Variants in PTPRO observed in about 807,000 individuals in gnomAD.
PTPRO encodes the protein receptor-type tyrosine-protein phosphatase O.
Under a neutral mutation model 145.2 loss-of-function variants are expected in PTPRO, and 62 were observed. That is an observed-to-expected ratio of 0.43 (90% CI 0.35 to 0.53). The LOEUF is 0.53. Among genes scored for constraint, PTPRO ranks in the 20% least tolerant of loss-of-function variants. The probability of loss-of-function intolerance (pLI) is 0.01; values close to 1 mark genes in which losing one functional copy is unlikely to be tolerated. For synonymous variants in PTPRO, 565 were observed against 514.7 expected (o/e 1.10, Z -1.32); for missense variants, 1,345 against 1,482.7 (o/e 0.91, Z 1.53).
intron 2 of PTPRO, among the ~76,000 whole-genome samples, chr12:15,486,579 G>A (rs1462347216): frequency 6.6e-6 from 1 of 151,896 alleles, no homozygotes. Flanking sequence ...AGATTTTCTG[G>A]TAGACACATT....
chr12:15,386,512 A>G (rs1210202823), intron 1 of PTPRO, among the ~76,000 whole-genome samples: 2 of 152,132 alleles, frequency 1.3e-5, no homozygotes, highest in African/African-American at 4.8e-5. Context: ...TATATATATT[A>G]CCTTATATGT....
chr12:15,565,637 T>A lies in PTPRO; in HGVS notation c.2747+9T>A, dbSNP rs1035629690. 2.1e-6 allele frequency: 3 copies of A among 1,428,854 alleles called. No individual in the cohort carries two copies. Among genetic ancestry groups the A allele is most frequent in the South Asian group, 2.3e-5 (2 of 86,336 alleles). 88.5% of individuals were successfully genotyped at this position (1,428,854 alleles called of 1,614,324 possible). ...AAGAGGAAACTGACAAAGTAAGTTT[T>A]TCTTACTATGTCATTTAAAAGGATG... is the stretch of plus-strand genomic sequence containing the variant. On this transcript the variant is annotated intron_variant, in intron 18 of 26. Coordinates refer to ENST00000281171, the MANE Select transcript of PTPRO (RefSeq NM_030667.3).
intron 6 of PTPRO, among the ~76,000 whole-genome samples, chr12:15,505,789 A>G (rs1367470470): frequency 6.6e-6 from 1 of 152,200 alleles, no homozygotes; most frequent in Non-Finnish European, 1.5e-5. Flanking sequence ...TTCCTGACCA[A>G]ACTGTTTCAC....
chr12:15,361,909 G>A, intron 1 of PTPRO, among the ~76,000 whole-genome samples: 1 of 152,270 alleles, frequency 6.6e-6, no homozygotes, highest in East Asian at 1.9e-4. Flanking sequence ...ATGGAGAAAT[G>A]TCTTATATCT....
chr12:15,571,670 ACTGT>A (rs1234073943), intron 19 of PTPRO, among the ~76,000 whole-genome samples: 10 of 152,136 alleles, frequency 6.6e-5, no homozygotes, highest in Admixed American at 5.9e-4. Context: ...AAAGGGAATT[ACTGT>A]CTGTCTTTCT....
At chr12:15,412,863 G>A (rs949474061) in intron 1 of PTPRO, among the ~76,000 whole-genome samples, 6 of 152,056 alleles carry the variant, frequency 3.9e-5, no homozygotes, top group Non-Finnish European at 5.9e-5. Flanking sequence ...ACGCAATCTC[G>A]TCTCACTACA....
At chr12:15,561,317 T>C (rs982914018) in intron 17 of PTPRO, among the ~76,000 whole-genome samples, 7 of 152,180 alleles carry the variant, frequency 4.6e-5, no homozygotes, top group African/African-American at 1.4e-4. Context: ...AAAAGACAAT[T>C]GACCAAATGT....
chr12:15,419,735 G>GTT lies in PTPRO; in HGVS notation c.76-64230_76-64229dup, dbSNP rs71042248. Among the ~76,000 whole-genome samples the GTT allele has an allele frequency of 4.1e-3, 608 of 148,590 alleles. 18 individuals carry two copies. Among genetic ancestry groups the GTT allele is most frequent in the African/African-American group, 0.014 (572 of 40,044 alleles). ...AATACGTCAAAGCTAGTTCTTTGGTGTTTTTTTTTTCCCAGAGAAAATAGA... is the reference window on the plus strand; with the variant it reads ...AATACGTCAAAGCTAGTTCTTTGGTGTTTTTTTTTTTTCCCAGAGAAAATAGA... On this transcript the variant is annotated intron_variant, in intron 1 of 26. Coordinates refer to ENST00000281171, the MANE Select transcript of PTPRO (RefSeq NM_030667.3).
intron 2 of PTPRO, among the ~76,000 whole-genome samples, chr12:15,485,840 T>A (rs1941874540): frequency 6.6e-6 from 1 of 152,228 alleles, no homozygotes; most frequent in Admixed American, 6.5e-5. Context: ...CTGTAGGGCT[T>A]ACAAGTGTGT....
chr12:15,497,139 A>T, intron 2 of PTPRO, 106 bp from the exon 3 acceptor site: 1 of 1,037,732 alleles, frequency 9.6e-7, no homozygotes, highest in Non-Finnish European at 1.5e-6. Context: ...AGTGAAAATT[A>T]TGCGTGAATT....
At chr12:15,410,787 CCTT>C (rs1591787202) in intron 1 of PTPRO, 2 of 152,152 alleles carry the variant, frequency 1.3e-5, no homozygotes, top group Admixed American at 1.3e-4. Flanking sequence ...ACCACAGTGT[CCTT>C]ATTGAAGGAG....
chr12:15,385,871 A>C (rs1939012087), intron 1 of PTPRO, among the ~76,000 whole-genome samples: 1 of 151,582 alleles, frequency 6.6e-6, no homozygotes, highest in Non-Finnish European at 1.5e-5. Flanking sequence ...AGATAGATAG[A>C]TGATAGATAG....
chr12:15,581,982 G>T (rs1944330762), intron 23 of PTPRO, among the ~76,000 whole-genome samples, 181 bp downstream of exon 23: 1 of 152,138 alleles, frequency 6.6e-6, no homozygotes, highest in African/African-American at 2.4e-5. Flanking sequence ...CTCGAACAGA[G>T]ATTTACCCAC....
chr12:15,572,159 G>A (rs192512062), intron 19 of PTPRO, among the ~76,000 whole-genome samples: 23 of 152,230 alleles, frequency 1.5e-4, no homozygotes, highest in Admixed American at 1.1e-3. Context: ...GGGCTTGGGG[G>A]CGGATGATGT....
Position 15,508,630 on chromosome 12 carries a change from G to A in PTPRO, c.1327G>A (p.Val443Ile), listed in dbSNP as rs71459181. 19,912 of 1,614,058 alleles carry A rather than the reference G, an allele frequency of 0.012. 148 individuals carry two copies. The highest frequency in any genetic ancestry group is 0.014 in the Non-Finnish European group (16,700 of 1,179,980). Residue 443 changes from valine to isoleucine, a missense_variant, in exon 7 of 27, where the codon GTT (valine) becomes ATT (isoleucine). Physicochemically the swap from Val to Ile is conservative, Grantham distance 29. Transcript: ENST00000281171. ...GAAGCCGCAGCACGTGAGTGTCCAC[G>A]TTTTAAGCTCAACCACTGCCTTGAT... is the stretch of plus-strand genomic sequence containing the variant. ...TEKPQHVSVH[V>I]LSSTTALMSW...
intron 18 of PTPRO, among the ~76,000 whole-genome samples, chr12:15,568,056 A>G (rs955876780): frequency 1.3e-4 from 20 of 152,364 alleles, no homozygotes; most frequent in African/African-American, 4.1e-4. Flanking sequence ...AAATGTTAAC[A>G]TAAATGAATT....
chr12:15,423,385 A>T (rs1940199281), intron 1 of PTPRO, among the ~76,000 whole-genome samples: 1 of 152,202 alleles, frequency 6.6e-6, no homozygotes, highest in South Asian at 2.1e-4. Context: ...AAACTGGTAA[A>T]ATATAAGATG....
intron 18 of PTPRO, among the ~76,000 whole-genome samples, chr12:15,569,101 G>GT (rs1164997630): frequency 1.3e-5 from 2 of 152,092 alleles, no homozygotes; most frequent in South Asian, 2.1e-4. Context: ...ATATGCCAGA[G>GT]TTTTTTAGAA....
At chr12:15,516,611 G>GAGGAAGGGAGGA (rs1249279456) in intron 8 of PTPRO, 152 bp from the exon 9 acceptor site, 16 of 648,536 alleles carry the variant, frequency 2.5e-5, no homozygotes, top group African/African-American at 1.7e-4. Context: ...GCAAGAAAGG[G>GAGGAAGGGAGGA]AGGAAGGAAG....
Sources: gnomAD v4.1 joint callset for allele counts (sites outside exome capture counted in the v4.1 genomes callset) on GRCh38, gnomAD v4.1.1 for gene constraint, MANE v1.5 for transcripts, NCBI Gene and HGNC (gene_info 2026-07-23, HGNC 2026-07-21) for gene names.